Variants in MACO1 observed in about 807,000 individuals in gnomAD.
MACO1 encodes macoilin 1.
In MACO1, 14 loss-of-function variants were observed where a neutral mutation model predicts 78.7. The observed-to-expected ratio is 0.18, with a 90% confidence interval of 0.12 to 0.28. MACO1 has a LOEUF of 0.28. MACO1 is among the 10% of genes least tolerant of loss of function. The probability of loss-of-function intolerance (pLI) is 1.00; values close to 1 mark genes in which losing one functional copy is unlikely to be tolerated. For missense variants in MACO1, 501 were observed against 799.0 expected, an observed-to-expected ratio of 0.63 and a Z score of 4.50; for synonymous variants, 288 against 291.6, an observed-to-expected ratio of 0.99 and a Z score of 0.12.
intron 10 of MACO1, among the ~76,000 whole-genome samples, chr1:25,493,261 C>T (rs2043503059): frequency 6.6e-6 from 1 of 152,168 alleles, no homozygotes. Context: ...ATTTTCAAGA[C>T]AGGGTCTTGC....
At chr1:25,465,119 G>A (rs766587578) in intron 6 of MACO1, among the ~76,000 whole-genome samples, 24 of 152,076 alleles carry the variant, frequency 1.6e-4, no homozygotes, top group African/African-American at 1.7e-4. Flanking sequence ...AGCCTGCTCC[G>A]TGTCTTTTCC....
At chr1:25,441,503 GA>G (rs1285281877) in intron 1 of MACO1, among the ~76,000 whole-genome samples, 2 of 151,986 alleles carry the variant, frequency 1.3e-5, no homozygotes, top group African/African-American at 4.8e-5. Context: ...TATTTTTTGA[GA>G]AAAAAAATAG....
At chr1:25,458,366 T>A in intron 5 of MACO1, 25 bp from the exon 6 acceptor site, 1 of 1,544,260 alleles carries the variant, frequency 6.5e-7, no homozygotes, top group South Asian at 1.3e-5. Context: ...GCTTTTTGTT[T>A]GTTGGTTTGT....
At chr1:25,478,286 C>T (rs942192375) in intron 6 of MACO1, among the ~76,000 whole-genome samples, 6 of 152,138 alleles carry the variant, frequency 3.9e-5, no homozygotes, top group African/African-American at 1.4e-4. Context: ...TTTATTTTAC[C>T]ACCAGGTGTT....
chr1:25,474,072 G>A (rs1170173135), intron 6 of MACO1, among the ~76,000 whole-genome samples: 1 of 152,182 alleles, frequency 6.6e-6, no homozygotes, highest in African/African-American at 2.4e-5. Flanking sequence ...GTCTGGCATT[G>A]TCATCATTCT....
chr1:25,433,087 A>G (rs2042889687), intron 1 of MACO1, among the ~76,000 whole-genome samples: 1 of 152,266 alleles, frequency 6.6e-6, no homozygotes, highest in African/African-American at 2.4e-5. Context: ...CCGACAGTGC[A>G]TTAGCCTTAA....
At chr1:25,490,049 C>T (rs577247726) in intron 9 of MACO1, among the ~76,000 whole-genome samples, 167 of 151,886 alleles carry the variant, frequency 1.1e-3, no homozygotes, top group African/African-American at 3.9e-3. Flanking sequence ...GAGTTGAAGG[C>T]AGAAAAAACA....
chr1:25,445,078 GA>G (rs2043003686), intron 1 of MACO1, among the ~76,000 whole-genome samples: 1 of 150,264 alleles, frequency 6.7e-6, no homozygotes, highest in African/African-American at 2.5e-5. Context: ...GAGACAGGAG[GA>G]GCCCAGGAGT....
At chr1:25,487,737 AT>A (rs1045835871) in intron 8 of MACO1, among the ~76,000 whole-genome samples, 28 of 151,934 alleles carry the variant, frequency 1.8e-4, no homozygotes, top group African/African-American at 6.5e-4. Context: ...TGGGGGGAAA[AT>A]TTTTTTCTAG....
intron 1 of MACO1, among the ~76,000 whole-genome samples, chr1:25,431,452 G>C (rs1474846554): frequency 4.0e-5 from 6 of 150,706 alleles, no homozygotes; most frequent in Non-Finnish European, 8.9e-5. Flanking sequence ...GGGCCCGCCG[G>C]GGGGAGGGGC....
intron 6 of MACO1, among the ~76,000 whole-genome samples, chr1:25,459,226 A>G (rs1475643365): frequency 6.6e-6 from 1 of 151,568 alleles, no homozygotes; most frequent in Admixed American, 6.5e-5. Flanking sequence ...CGTAAACACA[A>G]AAAGAAGAGT....
intron 3 of MACO1, among the ~76,000 whole-genome samples, chr1:25,449,410 G>T (rs2043045185): frequency 6.6e-6 from 1 of 152,162 alleles, no homozygotes; most frequent in African/African-American, 2.4e-5. Flanking sequence ...ACTGTTCCTG[G>T]TACCCTACTC....
At chr1:25,480,082 ACTC>A (rs1439755558) in intron 6 of MACO1, among the ~76,000 whole-genome samples, 1 of 152,226 alleles carries the variant, frequency 6.6e-6, no homozygotes, top group African/African-American at 2.4e-5. Flanking sequence ...TCAAAAATAA[ACTC>A]AATGCAGGTG....
intron 6 of MACO1, among the ~76,000 whole-genome samples, chr1:25,468,401 A>G (rs35850196): frequency 0.39 from 59,743 of 151,972 alleles, 13,690 homozygotes; most frequent in East Asian, 0.73. Context: ...AGATGTAACC[A>G]TCAACTTACC....
chr1:25,473,495 A>T (rs79199754), intron 6 of MACO1, among the ~76,000 whole-genome samples: 2 of 152,206 alleles, frequency 1.3e-5, no homozygotes, highest in East Asian at 1.9e-4. Context: ...GAAAAAAAAA[A>T]TTTTTATGTT....
chr1:25,449,186 T>G (rs1197259950), intron 3 of MACO1, among the ~76,000 whole-genome samples: 2 of 151,954 alleles, frequency 1.3e-5, no homozygotes, highest in Non-Finnish European at 2.9e-5. Context: ...TGAATATATC[T>G]TTTTAAAAAA....
At chr1:25,453,004 ATTT>A (rs1246920699) in intron 3 of MACO1, among the ~76,000 whole-genome samples, 2 of 118,196 alleles carry the variant, frequency 1.7e-5, no homozygotes, top group Admixed American at 8.7e-5. Context: ...CCTACAGTGA[ATTT>A]TTTTTTTTTT....
At chr1:25,497,761 C>G (rs1351076471) in intron 10 of MACO1, among the ~76,000 whole-genome samples, 1 of 152,202 alleles carries the variant, frequency 6.6e-6, no homozygotes, top group Non-Finnish European at 1.5e-5. Context: ...ATTCCTTGGT[C>G]TGACACTCAG....
intron 6 of MACO1, 57 bp downstream of exon 6, chr1:25,458,949 G>A: frequency 1.9e-6 from 3 of 1,558,768 alleles, no homozygotes; most frequent in Non-Finnish European, 2.6e-6. Context: ...ACATACTCTT[G>A]ACATACTCCC....
Sources: allele counts gnomAD v4.1 joint callset (sites outside exome capture counted in the v4.1 genomes callset), GRCh38; gene constraint gnomAD v4.1.1; transcripts MANE v1.5; gene names NCBI Gene and HGNC (gene_info 2026-07-23, HGNC 2026-07-21).